KCNAB1: variants seen among roughly 807,000 people sequenced by gnomAD.
The protein encoded by KCNAB1 is voltage-gated potassium channel subunit beta-1.
KCNAB1 carries 35 observed loss-of-function variants against 64.6 expected under a neutral mutation model. The observed-to-expected ratio is 0.54, with a 90% CI of 0.41 to 0.72. KCNAB1 has a LOEUF of 0.72. Ranked by LOEUF, KCNAB1 falls within the 30% of genes least tolerant of loss-of-function variation. The pLI is 0.00. For missense variants in KCNAB1, 401 were observed against 512.9 expected, an observed-to-expected ratio of 0.78 and a Z score of 2.11; for synonymous variants, 177 against 183.8, an observed-to-expected ratio of 0.96 and a Z score of 0.30.
intron 1 of KCNAB1, among the ~76,000 whole-genome samples, chr3:156,332,026 GCCTT>G (rs906384252): frequency 2.0e-5 from 3 of 152,126 alleles, no homozygotes; most frequent in African/African-American, 2.4e-5. Flanking sequence ...CTTCCCTGCA[GCCTT>G]CCTTCAGTTC....
intron 1 of KCNAB1, among the ~76,000 whole-genome samples, chr3:156,210,606 G>C (rs1714951569): frequency 6.6e-6 from 1 of 152,160 alleles, no homozygotes; most frequent in African/African-American, 2.4e-5. Flanking sequence ...GAGCAGCCAT[G>C]CTAGCTAAAA....
At chr3:156,163,403 G>A (rs1385825155) in intron 1 of KCNAB1, among the ~76,000 whole-genome samples, 1 of 152,146 alleles carries the variant, frequency 6.6e-6, no homozygotes, top group Non-Finnish European at 1.5e-5. Context: ...CTTACCTTGA[G>A]TCATGCCAGA....
At chr3:156,145,186 A>C (rs911541586) in intron 1 of KCNAB1, among the ~76,000 whole-genome samples, 2 of 152,162 alleles carry the variant, frequency 1.3e-5, no homozygotes, top group Admixed American at 1.3e-4. Context: ...CCCTAGTAAG[A>C]AATGGGACTT....
intron 1 of KCNAB1, among the ~76,000 whole-genome samples, chr3:156,274,840 CAT>C (rs1231992584): frequency 3.4e-4 from 52 of 152,310 alleles, no homozygotes; most frequent in Non-Finnish European, 1.8e-4. Context: ...TGTCATCTCA[CAT>C]AGTTACCATT....
At chr3:156,340,814 A>T (rs1228337442) in intron 1 of KCNAB1, among the ~76,000 whole-genome samples, 1 of 152,186 alleles carries the variant, frequency 6.6e-6, no homozygotes, top group Non-Finnish European at 1.5e-5. Flanking sequence ...TTTTATTGCT[A>T]TGTCTTTATT....
intron 1 of KCNAB1, among the ~76,000 whole-genome samples, chr3:156,281,306 G>C (rs1365834050): frequency 6.6e-6 from 1 of 152,070 alleles, no homozygotes; most frequent in Non-Finnish European, 1.5e-5. Flanking sequence ...TGCATCCCAG[G>C]GATAAAGCCC....
chr3:156,354,142 ATG>A (rs1203123180), intron 1 of KCNAB1, among the ~76,000 whole-genome samples: 4 of 123,148 alleles, frequency 3.2e-5, no homozygotes, highest in South Asian at 5.3e-4. Context: ...ATATATATAT[ATG>A]TGTATATATA....
rs112461499 is a variant in KCNAB1, at chr3:156,143,250, G to A, written c.275+22364G>A. The A allele has an allele frequency of 1.3e-3, 2,060 of 1,613,772 alleles. 28 individuals are homozygous for A. In the African/African-American group the frequency reaches 0.023, roughly 18 times the overall value. On this transcript the variant is annotated intron_variant, in intron 1 of 13. Coordinates refer to ENST00000490337, the MANE Select transcript of KCNAB1 (RefSeq NM_172160.3). ...TGGGTCTGCCAAAATCCAGTGAATC[G>A]GCTCTAAAATGTAGATGGCACCTAG...
chr3:156,143,028 A>T, intron 1 of KCNAB1: 1 of 1,343,786 alleles, frequency 7.4e-7, no homozygotes, highest in East Asian at 2.8e-5. Flanking sequence ...CTGCTCGCCT[A>T]CAAAAATGAT....
intron 1 of KCNAB1, among the ~76,000 whole-genome samples, chr3:156,306,003 G>A (rs1260086658): frequency 1.3e-5 from 2 of 152,150 alleles, no homozygotes; most frequent in East Asian, 3.8e-4. Flanking sequence ...CAAAGAGGGG[G>A]CAATGGAAGC....
intron 1 of KCNAB1, among the ~76,000 whole-genome samples, chr3:156,414,877 T>G (rs1249592536): frequency 6.6e-6 from 1 of 152,126 alleles, no homozygotes; most frequent in African/African-American, 2.4e-5. Context: ...TATGGTTATA[T>G]CCATACAACT....
chr3:156,408,688 G>A (rs1214632731), intron 1 of KCNAB1, among the ~76,000 whole-genome samples: 1 of 152,034 alleles, frequency 6.6e-6, no homozygotes, highest in Admixed American at 6.5e-5. Flanking sequence ...GCTGAGGCAG[G>A]AGAATCACTT....
chr3:156,166,623 C>T (rs1451446187), intron 1 of KCNAB1, among the ~76,000 whole-genome samples: 1 of 151,970 alleles, frequency 6.6e-6, no homozygotes, highest in Non-Finnish European at 1.5e-5. Flanking sequence ...CCCAGTGCTT[C>T]TTTTATGGGT....
At position 156,368,304 on chromosome 3, in the gene KCNAB1, G is replaced by C. The variant is rs1328717764; in HGVS notation, c.276-53312G>C. On this transcript the variant is annotated intron_variant, in intron 1 of 13. Coordinates refer to ENST00000490337, the MANE Select transcript of KCNAB1 (RefSeq NM_172160.3). ...CATTCTGAGTAGGGAGCAGTTCTCT[G>C]TGCCCCCAAAATCTCAACGAATGCA... Among the ~76,000 whole-genome samples, 3 of 152,312 alleles carry C rather than the reference G, an allele frequency of 2.0e-5. No individual in the cohort carries two copies. The South Asian group carries it at 6.2e-4, about 32-fold the overall frequency.
intron 1 of KCNAB1, among the ~76,000 whole-genome samples, chr3:156,156,137 G>A (rs547814447): frequency 4.3e-4 from 66 of 152,304 alleles, no homozygotes; most frequent in African/African-American, 1.3e-3. Context: ...AGACTATCTC[G>A]TAGGGCCTTA....
chr3:156,459,814 T>G lies in KCNAB1; in HGVS notation c.438-13T>G, dbSNP rs777162893. Reference sequence around the variant, plus strand: ...ACACTGCATTCTAAGACATTATCTGTTTCCCCTTCCAGGGCTGAAGTGATT... The same window carrying G: ...ACACTGCATTCTAAGACATTATCTGGTTCCCCTTCCAGGGCTGAAGTGATT... On this transcript the variant is annotated splice_polypyrimidine_tract_variant and intron_variant, in intron 4 of 13. Coordinates refer to ENST00000490337, the MANE Select transcript of KCNAB1 (RefSeq NM_172160.3). The G allele has an allele frequency of 6.3e-7, 1 of 1,599,974 alleles. No homozygotes were observed. The highest frequency in any genetic ancestry group is 2.2e-5 in the East Asian group (1 of 44,732).
intron 1 of KCNAB1, among the ~76,000 whole-genome samples, chr3:156,260,052 C>A (rs546008607): frequency 6.6e-6 from 1 of 152,270 alleles, no homozygotes; most frequent in African/African-American, 2.4e-5. Flanking sequence ...CAAGAACCCC[C>A]CAGCAACTAA....
chr3:156,453,863 T>C (rs766630132), intron 3 of KCNAB1, among the ~76,000 whole-genome samples: 2 of 152,196 alleles, frequency 1.3e-5, no homozygotes, highest in Admixed American at 6.5e-5. Flanking sequence ...GCCACATCAA[T>C]AAAATGCTCT....
At chr3:156,308,077 G>C (rs76574824) in intron 1 of KCNAB1, among the ~76,000 whole-genome samples, 2,340 of 152,336 alleles carry the variant, frequency 0.015, 74 homozygotes, top group African/African-American at 0.054. Context: ...CTGAGCAAAA[G>C]GTGGAAAGTT....
Sources: gnomAD v4.1 joint callset for allele counts (sites outside exome capture counted in the v4.1 genomes callset) on GRCh38, gnomAD v4.1.1 for gene constraint, MANE v1.5 for transcripts, NCBI Gene and HGNC (gene_info 2026-07-23, HGNC 2026-07-21) for gene names.